Variants in PMPCB observed in about 807,000 individuals in gnomAD.
PMPCB encodes the protein peptidase, mitochondrial processing subunit beta, also known as mitochondrial-processing peptidase subunit beta.
A neutral mutation model predicts 61.5 loss-of-function variants in PMPCB; 46 were observed. The ratio of observed to expected loss-of-function variants is 0.75; its 90% CI spans 0.59 to 0.96. PMPCB has a LOEUF of 0.96. Ranked by LOEUF, PMPCB falls within the 40% of genes least tolerant of loss-of-function variation. PMPCB has a pLI of 0.00. For synonymous variants in PMPCB, 191 were observed against 201.6 expected, an observed-to-expected ratio of 0.95 and a Z score of 0.44; for missense variants, 590 against 602.4, an observed-to-expected ratio of 0.98 and a Z score of 0.22.
chr7:103,298,805 A>G, intron 2 of PMPCB, 97 bp downstream of exon 2: 3 of 1,140,382 alleles, frequency 2.6e-6, no homozygotes, highest in Non-Finnish European at 3.7e-6. Flanking sequence ...GGTGGTTCAA[A>G]AAGGGTGACA....
downstream of PMPCB, among the ~76,000 whole-genome samples, chr7:103,319,071 G>C (rs145948119): frequency 0.021 from 3,148 of 152,234 alleles, 104 homozygotes; most frequent in African/African-American, 0.072. Context: ...AATCAGCCGG[G>C]CATGGTGGCA....
the PMPCB span, chr7:103,335,743 A>C: frequency 6.6e-6 from 1 of 152,116 alleles, no homozygotes; most frequent in African/African-American, 2.4e-5. Context: ...ATGGGGTTTC[A>C]CCACATTGGC....
downstream of PMPCB, among the ~76,000 whole-genome samples, chr7:103,331,480 C>A (rs964271069): frequency 1.3e-5 from 2 of 152,154 alleles, no homozygotes; most frequent in African/African-American, 4.8e-5. Context: ...ATGTTTGTAT[C>A]CATTGACCAA....
the PMPCB span, chr7:103,344,751 G>A: frequency 5.5e-6 from 5 of 910,426 alleles, no homozygotes; most frequent in East Asian, 1.0e-4. Flanking sequence ...AGGAACCGGC[G>A]CATGGAGACG....
rs770648564 is a variant in PMPCB at position 103,298,521 on chromosome 7, TAGTAA to T, written c.100-46_100-42del. ...TTAAAAGCAACATTTAATATCAGAT[TAGTAA>T]TGTGTTTTGCTTTGTCTCTTCCACT... On this transcript the variant is annotated intron_variant, in intron 1 of 12. Transcript: ENST00000249269. 14 of 1,566,734 alleles carry T rather than the reference TAGTAA, an allele frequency of 8.9e-6. No individual in the cohort carries two copies. In the Admixed American group the frequency reaches 2.4e-4, roughly 27 times the overall value.
chr7:103,299,683 T>C, intron 3 of PMPCB, 154 bp downstream of exon 3: 1 of 533,110 alleles, frequency 1.9e-6, no homozygotes, highest in South Asian at 3.0e-5. Context: ...TGATAATTGC[T>C]TTGTAAAGCT....
At chr7:103,298,733 T>TA in intron 2 of PMPCB, 25 bp downstream of exon 2, 1 of 1,600,522 alleles carries the variant, frequency 6.2e-7, no homozygotes, top group African/African-American at 1.3e-5. Context: ...CAACCTTCTC[T>TA]AAGTGACCCT....
At chr7:103,309,701 A>T (rs1817684906) in intron 8 of PMPCB, among the ~76,000 whole-genome samples, 1 of 152,188 alleles carries the variant, frequency 6.6e-6, no homozygotes, top group Non-Finnish European at 1.5e-5. Flanking sequence ...AACTATACCA[A>T]GGTGATGTAA....
intron 8 of PMPCB, 159 bp downstream of exon 8, chr7:103,309,254 G>A: frequency 1.8e-6 from 1 of 562,998 alleles, no homozygotes; most frequent in Non-Finnish European, 2.7e-6. Context: ...ATTGCATGTG[G>A]GCCAGAAAAA....
At chr7:103,309,545 G>A (rs1475139633) in intron 8 of PMPCB, among the ~76,000 whole-genome samples, 1 of 152,018 alleles carries the variant, frequency 6.6e-6, no homozygotes, top group Non-Finnish European at 1.5e-5. Context: ...ACATGGATTG[G>A]GTATTTATCT....
chr7:103,346,285 A>C, the PMPCB span, among the ~76,000 whole-genome samples: 1 of 152,118 alleles, frequency 6.6e-6, no homozygotes, highest in African/African-American at 2.4e-5. Flanking sequence ...GGTGCGTGCC[A>C]CCACGCCCAG....
downstream of PMPCB, chr7:103,316,857 T>G (rs1193265980): frequency 1.2e-6 from 2 of 1,613,968 alleles, no homozygotes; most frequent in Admixed American, 1.7e-5. Context: ...AGGGAACAGA[T>G]TCACAGCTTT....
chr7:103,318,756 T>G (rs545587911), downstream of PMPCB, among the ~76,000 whole-genome samples: 62 of 152,378 alleles, frequency 4.1e-4, no homozygotes, highest in African/African-American at 1.4e-3. Context: ...TGGTTCTAAC[T>G]GTTATTACCC....
downstream of PMPCB, among the ~76,000 whole-genome samples, chr7:103,332,197 G>A (rs894828960): frequency 4.6e-5 from 7 of 152,078 alleles, no homozygotes; most frequent in African/African-American, 1.7e-4. Context: ...AGTAGAGACG[G>A]GGTTTCACCG....
chr7:103,298,467 G>A lies in PMPCB; in HGVS notation c.100-101G>A, dbSNP rs1211974806. On this transcript the variant is annotated intron_variant, in intron 1 of 12. Transcript: ENST00000249269. ...ATTCAAGAAGAAAGATTCTTTTATA[G>A]AGACAGCCTATTTAAAATAGATTTG... 12 of 1,167,464 alleles carry A rather than the reference G, an allele frequency of 1.0e-5. No individual in the cohort carries two copies. In the Admixed American group the frequency reaches 1.3e-4, roughly 13 times the overall value. 72.3% of individuals were successfully genotyped at this position (1,167,464 alleles called of 1,614,324 possible).
chr7:103,341,262 T>C, the PMPCB span, among the ~76,000 whole-genome samples: 17 of 152,218 alleles, frequency 1.1e-4, no homozygotes, highest in Non-Finnish European at 2.5e-4. Context: ...TAAAATTAGC[T>C]AAGAAACTTT....
At chr7:103,320,378 GC>G (rs1308054680) in intron 12 of PMPCB, among the ~76,000 whole-genome samples, 17 of 151,940 alleles carry the variant, frequency 1.1e-4, no homozygotes, top group Admixed American at 2.6e-4. Context: ...GAGCCACCGC[GC>G]CCGGCTGTTT....
Position 103,312,725 on chromosome 7 carries a change from A to C in PMPCB, c.*454A>C. 1 of 1,581,616 alleles carries C rather than the reference A, an allele frequency of 6.3e-7. No homozygotes were observed. The highest frequency in any genetic ancestry group is 8.5e-7 in the Non-Finnish European group (1 of 1,169,910). Reference sequence around the variant, plus strand: ...ATCTAGTGTTTGGTGTAAAGAATTCAAGCAACTAAGATAGATAGTACTAAA... The same window carrying C: ...ATCTAGTGTTTGGTGTAAAGAATTCCAGCAACTAAGATAGATAGTACTAAA... On this transcript the variant is annotated 3_prime_UTR_variant, in exon 13 of 13. Transcript: ENST00000249269.
chr7:103,322,884 T>A (rs1325977988), intron 12 of PMPCB: 6 of 1,025,148 alleles, frequency 5.9e-6, no homozygotes, highest in Non-Finnish European at 8.6e-6. Context: ...TATATGTACA[T>A]AACATCCTAG....
Sources: allele counts gnomAD v4.1 joint callset (sites outside exome capture counted in the v4.1 genomes callset), GRCh38; gene constraint gnomAD v4.1.1; transcripts MANE v1.5; gene names NCBI Gene and HGNC (gene_info 2026-07-23, HGNC 2026-07-21).